The following GULP1 variants were observed in gnomAD, a reference collection of about 807,000 sequenced individuals.
The protein encoded by GULP1 is GULP PTB domain containing engulfment adaptor 1.
A neutral mutation model predicts 40.9 loss-of-function variants in GULP1; 19 were observed. That is an observed-to-expected ratio of 0.46 (90% CI 0.32 to 0.68). The LOEUF is 0.68. Among genes scored for constraint, GULP1 ranks in the 30% least tolerant of loss-of-function variants. The pLI is 0.03. For synonymous variants in GULP1, 119 were observed against 117.6 expected (o/e 1.01, Z -0.08); for missense variants, 312 against 362.2 (o/e 0.86, Z 1.12).
At chr2:188,440,796 T>C (rs1010738367) in intron 2 of GULP1, among the ~76,000 whole-genome samples, 1 of 152,194 alleles carries the variant, frequency 6.6e-6, no homozygotes, top group Non-Finnish European at 1.5e-5. Flanking sequence ...AATTCCTCAA[T>C]ACTTTACTAT....
At chr2:188,506,719 TGTAGA>T (rs772402947) in intron 4 of GULP1, among the ~76,000 whole-genome samples, 11 of 152,024 alleles carry the variant, frequency 7.2e-5, no homozygotes, top group East Asian at 5.8e-4. Context: ...TACATCACTA[TGTAGA>T]GTAAAGTTTG....
At chr2:188,484,016 T>C (rs1410076965) in intron 4 of GULP1, among the ~76,000 whole-genome samples, 1 of 152,124 alleles carries the variant, frequency 6.6e-6, no homozygotes, top group Non-Finnish European at 1.5e-5. Flanking sequence ...CTCCATCTCC[T>C]GGGTTCAAGT....
At chr2:188,586,393 A>G (rs1004665599) in intron 10 of GULP1, among the ~76,000 whole-genome samples, 1 of 152,168 alleles carries the variant, frequency 6.6e-6, no homozygotes, top group Non-Finnish European at 1.5e-5. Context: ...TTTAACAAAC[A>G]CCTACTAGGT....
intron 1 of GULP1, among the ~76,000 whole-genome samples, chr2:188,373,750 A>G (rs2047926257): frequency 6.6e-6 from 1 of 152,028 alleles, no homozygotes; most frequent in Admixed American, 6.6e-5. Flanking sequence ...TTGAATTGGA[A>G]TAATACTATT....
At chr2:188,563,163 C>A (rs947291861) in intron 7 of GULP1, among the ~76,000 whole-genome samples, 5 of 151,866 alleles carry the variant, frequency 3.3e-5, no homozygotes, top group Non-Finnish European at 5.9e-5. Flanking sequence ...AGAAACACTA[C>A]AGTAGAATCA....
At chr2:188,415,194 A>T (rs1346476635) in intron 2 of GULP1, among the ~76,000 whole-genome samples, 1 of 152,126 alleles carries the variant, frequency 6.6e-6, no homozygotes, top group Admixed American at 6.5e-5. Context: ...TTTGCTAGAG[A>T]AAGGGGTGCA....
chr2:188,339,150 TTTA>T (rs1386991637), intron 1 of GULP1, among the ~76,000 whole-genome samples: 3 of 152,176 alleles, frequency 2.0e-5, no homozygotes, highest in Non-Finnish European at 4.4e-5. Flanking sequence ...ATTTTTCTTG[TTTA>T]AAGGCCAGTT....
chr2:188,475,490 G>T (rs962834010), intron 2 of GULP1, among the ~76,000 whole-genome samples: 1 of 151,060 alleles, frequency 6.6e-6, no homozygotes, highest in African/African-American at 2.4e-5. Context: ...TTAATTTTAA[G>T]AATTTTTAAA....
intron 9 of GULP1, among the ~76,000 whole-genome samples, chr2:188,575,721 G>T (rs1189429665): frequency 6.6e-6 from 1 of 151,148 alleles, no homozygotes; most frequent in East Asian, 2.0e-4. Context: ...GTCTAGATTT[G>T]ATAAGCCTTC....
At chr2:188,392,696 G>C (rs1039493736) in intron 2 of GULP1, among the ~76,000 whole-genome samples, 3 of 151,932 alleles carry the variant, frequency 2.0e-5, no homozygotes, top group Non-Finnish European at 4.4e-5. Context: ...TTGTCAATTT[G>C]TGATCTTTCA....
chr2:188,335,173 GTAATATAATAAT>G (rs2042098202), intron 1 of GULP1, among the ~76,000 whole-genome samples: 1 of 152,150 alleles, frequency 6.6e-6, no homozygotes, highest in Admixed American at 6.5e-5. Context: ...GACTAGAAAG[GTAATATAATAAT>G]TAATGGAAGA....
At chr2:188,560,217 G>C (rs912727225) in intron 7 of GULP1, among the ~76,000 whole-genome samples, 3 of 152,168 alleles carry the variant, frequency 2.0e-5, no homozygotes, top group African/African-American at 7.2e-5. Context: ...AACCTTGAAT[G>C]CTTTGTTGCT....
At chr2:188,371,053 A>AG (rs2047538828) in intron 1 of GULP1, among the ~76,000 whole-genome samples, 4 of 152,316 alleles carry the variant, frequency 2.6e-5, no homozygotes, top group African/African-American at 7.2e-5. Flanking sequence ...TAATTCAGAC[A>AG]TACAGTAAGT....
At chr2:188,399,810 GTATCTAC>G (rs2152625795) in intron 2 of GULP1, among the ~76,000 whole-genome samples, 2 of 151,186 alleles carry the variant, frequency 1.3e-5, no homozygotes, top group South Asian at 4.2e-4. Context: ...TTCTCAATAG[GTATCTAC>G]TATCTTGAAA....
intron 2 of GULP1, among the ~76,000 whole-genome samples, chr2:188,452,038 T>C (rs2058875289): frequency 6.6e-6 from 1 of 152,202 alleles, no homozygotes; most frequent in Admixed American, 6.5e-5. Flanking sequence ...TAATTTTGGA[T>C]CACTAGAAAA....
chr2:188,294,754 G>T (rs1357133567), intron 1 of GULP1, among the ~76,000 whole-genome samples: 1 of 152,132 alleles, frequency 6.6e-6, no homozygotes, highest in Non-Finnish European at 1.5e-5. Flanking sequence ...GCAAAGTAAA[G>T]AAACTTTCCT....
chr2:188,406,050 A>G (rs2053045813), intron 2 of GULP1, among the ~76,000 whole-genome samples: 1 of 152,198 alleles, frequency 6.6e-6, no homozygotes, highest in Non-Finnish European at 1.5e-5. Flanking sequence ...GTTCACTGTT[A>G]AGCAATTTCA....
rs1160150582 is a variant in GULP1 at position 188,595,796 on chromosome 2, A to C, written c.*1785A>C. The stretch of plus-strand genomic sequence containing the variant: ...TCTGCTACTGGCATGATGAAATAGT[A>C]CATAACTGGTCATTAATTATGAACA... On this transcript the variant is annotated 3_prime_UTR_variant, in exon 12 of 12. Coordinates refer to ENST00000409830, the MANE Select transcript of GULP1 (RefSeq NM_016315.4). The C allele has an allele frequency of 1.3e-5, 2 of 152,280 alleles. No homozygotes were observed. The highest frequency in any genetic ancestry group is 6.6e-5 in the Admixed American group (1 of 15,202). The allele number at this position is 152,280 out of a possible 1,614,324, so 9.4% of individuals were successfully genotyped here. A position where few individuals can be genotyped will look rare whatever the true frequency, so the allele number is the denominator to read the frequency against.
intron 2 of GULP1, among the ~76,000 whole-genome samples, chr2:188,418,523 C>T (rs1017577218): frequency 2.0e-5 from 3 of 152,052 alleles, no homozygotes; most frequent in African/African-American, 4.8e-5. Flanking sequence ...ATCCCAGCTA[C>T]GCAGGAGGCT....
Sources: allele counts gnomAD v4.1 joint callset (sites outside exome capture counted in the v4.1 genomes callset), GRCh38; gene constraint gnomAD v4.1.1; transcripts MANE v1.5; gene names NCBI Gene and HGNC (gene_info 2026-07-23, HGNC 2026-07-21).